The following RASAL2 variants were observed in gnomAD, a reference collection of about 807,000 sequenced individuals.
RASAL2 encodes the protein RAS protein activator like 2, also known as ras GTPase-activating protein nGAP.
In RASAL2, 58 loss-of-function variants were observed where a neutral mutation model predicts 128.9. That is an observed-to-expected ratio of 0.45 (90% CI 0.36 to 0.56). The LOEUF (loss-of-function observed/expected upper bound fraction) is 0.56, where lower values mean the gene tolerates loss of function less well. Ranked by LOEUF, RASAL2 falls within the 20% of genes least tolerant of loss-of-function variation. The pLI is 0.00. For missense variants in RASAL2, 1,360 were observed against 1,601.6 expected (o/e 0.85, Z 2.57); for synonymous variants, 561 against 580.8 (o/e 0.97, Z 0.49).
intron 1 of RASAL2, among the ~76,000 whole-genome samples, chr1:178,179,138 T>G (rs537087825): frequency 2.0e-5 from 3 of 152,288 alleles, no homozygotes; most frequent in East Asian, 3.9e-4. Flanking sequence ...TTTTAAAAAC[T>G]AGTTCTTTGG....
intron 1 of RASAL2, among the ~76,000 whole-genome samples, chr1:178,172,395 A>C (rs905507672): frequency 6.6e-6 from 1 of 151,982 alleles, no homozygotes; most frequent in African/African-American, 2.4e-5. Context: ...CTACAAATTA[A>C]TCCTGTAAGC....
intron 3 of RASAL2, among the ~76,000 whole-genome samples, chr1:178,342,537 A>T (rs147308855): frequency 1.5e-4 from 23 of 152,310 alleles, no homozygotes; most frequent in African/African-American, 4.8e-4. Context: ...CATGCTCTTG[A>T]CCAAAACCAA....
At chr1:178,417,906 G>A (rs1286537534) in intron 4 of RASAL2, among the ~76,000 whole-genome samples, 3 of 151,606 alleles carry the variant, frequency 2.0e-5, no homozygotes, top group Non-Finnish European at 2.9e-5. Context: ...TCGACTCCTC[G>A]GCCTGGATCT....
chr1:178,319,040 C>T (rs1392760854), intron 3 of RASAL2, among the ~76,000 whole-genome samples: 2 of 152,060 alleles, frequency 1.3e-5, no homozygotes, highest in Non-Finnish European at 2.9e-5. Flanking sequence ...TTTTGTTTCT[C>T]CTTCACTTAT....
intron 1 of RASAL2, among the ~76,000 whole-genome samples, chr1:178,148,840 A>G (rs1399085985): frequency 6.6e-6 from 1 of 152,188 alleles, no homozygotes; most frequent in Non-Finnish European, 1.5e-5. Flanking sequence ...CAATATGTAA[A>G]TACATGGGTT....
At chr1:178,098,286 CTG>C (rs1330163443) in intron 1 of RASAL2, among the ~76,000 whole-genome samples, 18 of 152,194 alleles carry the variant, frequency 1.2e-4, no homozygotes, top group Admixed American at 1.2e-3. Flanking sequence ...ACCTGACTGA[CTG>C]TATGGGTGGT....
intron 1 of RASAL2, among the ~76,000 whole-genome samples, chr1:178,205,478 C>G (rs957584122): frequency 6.6e-6 from 1 of 151,874 alleles, no homozygotes; most frequent in Non-Finnish European, 1.5e-5. Context: ...TCTTATGGGC[C>G]GGGCGCAGTG....
intron 1 of RASAL2, among the ~76,000 whole-genome samples, chr1:178,206,983 T>A (rs574448719): frequency 7.1e-4 from 108 of 152,142 alleles, no homozygotes; most frequent in African/African-American, 2.5e-3. Context: ...GAGACCAGCC[T>A]GGACTACATA....
intron 1 of RASAL2, among the ~76,000 whole-genome samples, chr1:178,202,161 G>A (rs1263655875): frequency 6.6e-6 from 1 of 152,152 alleles, no homozygotes; most frequent in Non-Finnish European, 1.5e-5. Flanking sequence ...GGTAATTAAT[G>A]GAGTTTTAGC....
chr1:178,407,453 C>A (rs1674068189), intron 4 of RASAL2, among the ~76,000 whole-genome samples: 1 of 152,050 alleles, frequency 6.6e-6, no homozygotes, highest in Non-Finnish European at 1.5e-5. Flanking sequence ...CAGGTATTTA[C>A]AATCCATGAT....
intron 15 of RASAL2, among the ~76,000 whole-genome samples, chr1:178,464,969 G>T (rs1009648869): frequency 6.6e-6 from 1 of 151,126 alleles, no homozygotes; most frequent in Admixed American, 6.6e-5. Flanking sequence ...AGGGGTAAAA[G>T]GGTTATCAAA....
At chr1:178,255,351 A>G (rs1347609312) in intron 1 of RASAL2, among the ~76,000 whole-genome samples, 1 of 152,144 alleles carries the variant, frequency 6.6e-6, no homozygotes, top group Non-Finnish European at 1.5e-5. Context: ...TGAAAAAGCA[A>G]TTGCATAAAA....
chr1:178,442,644 T>C, intron 7 of RASAL2, 31 bp from the exon 8 acceptor site: 1 of 1,549,052 alleles, frequency 6.5e-7, no homozygotes, highest in Non-Finnish European at 8.7e-7. Context: ...CAATGTCAGC[T>C]CTGAAATTCA....
At chr1:178,407,773 G>A (rs952279432) in intron 4 of RASAL2, among the ~76,000 whole-genome samples, 3 of 152,220 alleles carry the variant, frequency 2.0e-5, no homozygotes, top group South Asian at 4.1e-4. Context: ...CCCTGTCTCC[G>A]CTTCTCCCTG....
At chr1:178,162,717 A>T (rs1378005459) in intron 1 of RASAL2, among the ~76,000 whole-genome samples, 2 of 149,918 alleles carry the variant, frequency 1.3e-5, no homozygotes, top group Non-Finnish European at 3.0e-5. Flanking sequence ...CCTCTCAAGT[A>T]GCTAGGATTA....
chr1:178,280,980 A>C (rs1433593890), intron 1 of RASAL2, among the ~76,000 whole-genome samples: 1 of 152,118 alleles, frequency 6.6e-6, no homozygotes, highest in African/African-American at 2.4e-5. Flanking sequence ...ACCTTCATTT[A>C]GCCCTGGAAA....
chr1:178,449,596 G>C (rs988426494), intron 9 of RASAL2, among the ~76,000 whole-genome samples: 2 of 151,794 alleles, frequency 1.3e-5, no homozygotes, highest in Admixed American at 1.3e-4. Flanking sequence ...AAACTTAAGT[G>C]GGTTTTTTAA....
chr1:178,148,679 A>G (rs1308999700), intron 1 of RASAL2, among the ~76,000 whole-genome samples: 2 of 152,008 alleles, frequency 1.3e-5, no homozygotes, highest in Non-Finnish European at 2.9e-5. Flanking sequence ...TCCCAAGCTC[A>G]AGCAATACAC....
At chr1:178,115,101 A>G (rs1013041873) in intron 1 of RASAL2, among the ~76,000 whole-genome samples, 1 of 151,684 alleles carries the variant, frequency 6.6e-6, no homozygotes, top group Non-Finnish European at 1.5e-5. Flanking sequence ...TTTATCAGAT[A>G]AGCCATCTAC....
Sources: allele counts gnomAD v4.1 joint callset (sites outside exome capture counted in the v4.1 genomes callset), GRCh38; gene constraint gnomAD v4.1.1; transcripts MANE v1.5; gene names NCBI Gene and HGNC (gene_info 2026-07-23, HGNC 2026-07-21).